The following ZNF516 variants were observed in gnomAD, a reference collection of about 807,000 sequenced individuals.
ZNF516 encodes the protein zinc finger protein 516.
Under a neutral mutation model 79.7 loss-of-function variants are expected in ZNF516, and 19 were observed. That is an observed-to-expected ratio of 0.24 (90% CI 0.17 to 0.35). The LOEUF is 0.35. Among genes scored for constraint, ZNF516 ranks in the 10% least tolerant of loss-of-function variants. The pLI is 1.00. For missense variants in ZNF516, 1,678 were observed against 1,679.5 expected (o/e 1.00, Z 0.02); for synonymous variants, 877 against 739.5 (o/e 1.19, Z -3.02).
chr18:76,397,502 G>T lies in ZNF516; in HGVS notation c.1811-17199C>A, dbSNP rs1441162716. On this transcript the variant is annotated intron_variant, in intron 3 of 6. Coordinates refer to ENST00000443185, the MANE Select transcript of ZNF516 (RefSeq NM_014643.4). Reference sequence around the variant, plus strand: ...ACTTTTTCTGGATGACTGAGTACACGTTTTCATTTTAAGTGATAATCTACT... The same window carrying T: ...ACTTTTTCTGGATGACTGAGTACACTTTTTCATTTTAAGTGATAATCTACT... Among the ~76,000 whole-genome samples, 3 of 16,710 alleles carry T rather than the reference G, an allele frequency of 1.8e-4. No individual in the cohort carries two copies. In the East Asian group the frequency reaches 2.7e-3, roughly 15 times the overall value. 11.0% of individuals were successfully genotyped at this position (16,710 alleles called of 152,430 possible).
chr18:76,440,524 A>T (rs1448674736), intron 3 of ZNF516, among the ~76,000 whole-genome samples: 2 of 152,266 alleles, frequency 1.3e-5, no homozygotes, highest in Non-Finnish European at 2.9e-5. Flanking sequence ...AGAAATATCA[A>T]AATGTTTAAA....
At chr18:76,464,001 C>T (rs1430875067) in intron 1 of ZNF516, among the ~76,000 whole-genome samples, 3 of 152,114 alleles carry the variant, frequency 2.0e-5, no homozygotes, top group Admixed American at 6.5e-5. Flanking sequence ...TACGGCACCA[C>T]GCCATGTTTC....
chr18:76,454,247 C>T (rs1837550459), intron 2 of ZNF516, among the ~76,000 whole-genome samples: 1 of 152,196 alleles, frequency 6.6e-6, no homozygotes, highest in African/African-American at 2.4e-5. Flanking sequence ...CGTCAATAAT[C>T]AATTTTACCA....
At position 76,442,598 on chromosome 18, in the gene ZNF516, G is replaced by A. The variant is rs766216730; in HGVS notation, c.457C>T (p.Leu153=). The part of the protein sequence containing the change: ...ASQADSGRVL[L]RSSKKGAEGS... ...TCTGCCCCCTTCTTGCTGCTCCGCAGCAGGACTCTGCCGCTGTCGGCCTGC... is the reference window on the plus strand; with the variant it reads ...TCTGCCCCCTTCTTGCTGCTCCGCAACAGGACTCTGCCGCTGTCGGCCTGC... Residue 153 remains leucine, a synonymous_variant, in exon 3 of 7, where the codon CTG becomes TTG. Transcript: ENST00000443185. 4.4e-6 allele frequency: 7 copies of A among 1,597,552 alleles called. No homozygotes were observed. The highest frequency in any genetic ancestry group is 5.1e-6 in the Non-Finnish European group (6 of 1,178,970).
chr18:76,388,093 G>A (rs112660136), intron 3 of ZNF516: 1 of 152,056 alleles, frequency 6.6e-6, no homozygotes, highest in East Asian at 1.9e-4. Flanking sequence ...TGAACTCCAG[G>A]GGAAGATCAT....
chr18:76,404,437 AAG>A (rs770692455), intron 3 of ZNF516, among the ~76,000 whole-genome samples: 25 of 151,866 alleles, frequency 1.6e-4, no homozygotes, highest in African/African-American at 2.2e-4. Context: ...GTGCACGTGT[AAG>A]AGTGTGCATG....
At position 76,467,437 on chromosome 18, in the gene ZNF516, G is replaced by A. The variant is rs938581282; in HGVS notation, c.-271-4296C>T. Among the ~76,000 whole-genome samples, 38 of 152,290 alleles carry A rather than the reference G, an allele frequency of 2.5e-4. 1 individual carries two copies. The highest frequency in any genetic ancestry group is 1.7e-3 in the South Asian group (8 of 4,834). On this transcript the variant is annotated intron_variant, in intron 1 of 6. Coordinates refer to ENST00000443185, the MANE Select transcript of ZNF516 (RefSeq NM_014643.4). The surrounding 1 kb of genome is among the most constrained non-coding windows in gnomAD (Gnocchi z 4.2). ...CAGAGAGGAAATGATTTGGGCAAAC[G>A]CTCTGCCCTGAGATCTCTCTCGCCC...
At chr18:76,405,149 G>A (rs1045930207) in intron 3 of ZNF516, among the ~76,000 whole-genome samples, 1 of 152,178 alleles carries the variant, frequency 6.6e-6, no homozygotes, top group Non-Finnish European at 1.5e-5. Flanking sequence ...GGAGGTCATC[G>A]GGAACACGGT....
Position 76,442,983 on chromosome 18 carries a change from G to A in ZNF516, c.72C>T (p.His24=), listed in dbSNP as rs1047241395. 5.6e-6 allele frequency: 9 copies of A among 1,604,882 alleles called. No homozygotes were observed. The highest frequency in any genetic ancestry group is 3.3e-5 in the Admixed American group (2 of 59,976). The change falls in exon 3 of 7, where the codon CAC becomes CAT. Residue 24 remains histidine (H), a synonymous_variant. Coordinates refer to ENST00000443185, the MANE Select transcript of ZNF516 (RefSeq NM_014643.4). ...GPSPTRAGRG[H]EVDGDKATCH... ...AGGTAGCCTTGTCCCCATCCACCTCGTGGCCCCGGCCGGCCCTGGTGGGGC... is the reference window on the plus strand; with the variant it reads ...AGGTAGCCTTGTCCCCATCCACCTCATGGCCCCGGCCGGCCCTGGTGGGGC...
intron 1 of ZNF516, among the ~76,000 whole-genome samples, chr18:76,469,281 G>A (rs1024867521): frequency 5.3e-5 from 8 of 152,054 alleles, no homozygotes; most frequent in African/African-American, 1.7e-4. Flanking sequence ...TGATTATTAA[G>A]GATTTGCAGT....
intron 3 of ZNF516, among the ~76,000 whole-genome samples, chr18:76,412,003 C>A (rs569860371): frequency 4.1e-4 from 63 of 152,210 alleles, no homozygotes; most frequent in African/African-American, 1.5e-3. Context: ...CGAGATGATC[C>A]CAGATCATAA....
intron 3 of ZNF516, among the ~76,000 whole-genome samples, chr18:76,432,970 C>T (rs1273576527): frequency 6.6e-6 from 1 of 152,112 alleles, no homozygotes. Flanking sequence ...CAAATCCTCA[C>T]TCCATTGAGT....
At chr18:76,372,102 G>A (rs2074718022) in intron 4 of ZNF516, among the ~76,000 whole-genome samples, 1 of 152,224 alleles carries the variant, frequency 6.6e-6, no homozygotes, top group Non-Finnish European at 1.5e-5. Context: ...CCGGCCCCCA[G>A]AAGGGAGGGG....
upstream of ZNF516, chr18:76,496,242 C>T: frequency 1.6e-6 from 2 of 1,259,220 alleles, no homozygotes; most frequent in Non-Finnish European, 2.1e-6. Flanking sequence ...CGGGGAGCTG[C>T]GGCCTGCGGA....
At chr18:76,371,064 G>C (rs575205621) in intron 5 of ZNF516, among the ~76,000 whole-genome samples, 6 of 152,324 alleles carry the variant, frequency 3.9e-5, no homozygotes, top group African/African-American at 1.4e-4. Context: ...ATGGTCCAAA[G>C]GGGCCCGGGT....
At chr18:76,488,108 G>A (rs975591420) in intron 1 of ZNF516, 209 of 983,692 alleles carry the variant, frequency 2.1e-4, no homozygotes, top group Non-Finnish European at 2.4e-4. Context: ...TCTCATACAC[G>A]GGGAGATGTA....
chr18:76,464,456 A>T (rs1368344820), intron 1 of ZNF516, among the ~76,000 whole-genome samples: 1 of 152,240 alleles, frequency 6.6e-6, no homozygotes, highest in Non-Finnish European at 1.5e-5. Flanking sequence ...TCTCAGAACC[A>T]TCACTGGGAA....
In ZNF516 at chr18:76,461,767, A is replaced by T. The variant is rs140634533; in HGVS notation, c.-158+1261T>A. Among the ~76,000 whole-genome samples the T allele has an allele frequency of 2.8e-3, 434 of 152,314 alleles. 2 individuals carry two copies. Among genetic ancestry groups the T allele is most frequent in the African/African-American group, 9.5e-3 (397 of 41,578 alleles). On this transcript the variant is annotated intron_variant, in intron 2 of 6. Transcript: ENST00000443185. ...GAAAATATGCAGGGACCGCACGGGAACCAGCTTGAGGCTTGTCGCCAACAG... is the reference window on the plus strand; with the variant it reads ...GAAAATATGCAGGGACCGCACGGGATCCAGCTTGAGGCTTGTCGCCAACAG...
chr18:76,447,628 G>A (rs1256347349), intron 2 of ZNF516, among the ~76,000 whole-genome samples: 1 of 152,194 alleles, frequency 6.6e-6, no homozygotes, highest in East Asian at 1.9e-4. Flanking sequence ...AGCCAAGGTG[G>A]AGGGTACAGC....
Sources: gnomAD v4.1 joint callset for allele counts (sites outside exome capture counted in the v4.1 genomes callset) on GRCh38, gnomAD v4.1.1 for gene constraint, Gnocchi (gnomAD v3.1) non-coding constraint, MANE v1.5 for transcripts, NCBI Gene and HGNC (gene_info 2026-07-23, HGNC 2026-07-21) for gene names.